TLL1: variants seen among roughly 807,000 people sequenced by gnomAD.
The protein encoded by TLL1 is tolloid like 1.
Under a neutral mutation model 128.2 loss-of-function variants are expected in TLL1, and 49 were observed. The observed-to-expected ratio is 0.38, with a 90% CI of 0.30 to 0.48. The LOEUF (loss-of-function observed/expected upper bound fraction) is 0.48. TLL1 is among the 20% of genes least tolerant of loss of function. TLL1 has a pLI of 0.96. For missense variants in TLL1, 1,123 were observed against 1,242.0 expected (o/e 0.90, Z 1.44); for synonymous variants, 454 against 418.8 (o/e 1.08, Z -1.03).
At chr4:166,008,119 C>T in intron 7 of TLL1, 71 bp downstream of exon 7, 1 of 1,127,670 alleles carries the variant, frequency 8.9e-7, no homozygotes. Context: ...AAAGCTATGC[C>T]TGACATTAGA....
intron 7 of TLL1, among the ~76,000 whole-genome samples, chr4:166,009,559 C>G (rs945581706): frequency 3.1e-4 from 47 of 151,358 alleles, no homozygotes; most frequent in Non-Finnish European, 1.3e-4. Flanking sequence ...GCCAATCAGC[C>G]TTTGTTTATT....
chr4:165,885,313 C>T (rs1731120053), intron 1 of TLL1, among the ~76,000 whole-genome samples: 1 of 151,992 alleles, frequency 6.6e-6, no homozygotes, highest in Non-Finnish European at 1.5e-5. Context: ...GTGTCTCTGA[C>T]ATCAGAAGCA....
At chr4:166,041,919 A>G (rs1739257369) in intron 10 of TLL1, 108 bp from the exon 11 acceptor site, 1 of 773,324 alleles carries the variant, frequency 1.3e-6, no homozygotes, top group Non-Finnish European at 2.2e-6. Context: ...CTTGGAATAG[A>G]AATGTGAACC....
At chr4:166,030,510 T>A (rs1738719239) in intron 9 of TLL1, 1 of 622,872 alleles carries the variant, frequency 1.6e-6, no homozygotes, top group Non-Finnish European at 2.9e-6. Context: ...TAAAGTTTGA[T>A]GTCATACCAC....
intron 1 of TLL1, among the ~76,000 whole-genome samples, chr4:165,906,087 A>G (rs1456188130): frequency 6.6e-6 from 1 of 152,120 alleles, no homozygotes; most frequent in Non-Finnish European, 1.5e-5. Context: ...AAAAAGTTTT[A>G]TTGGAACATA....
chr4:166,047,454 G>A (rs947465813), intron 12 of TLL1, among the ~76,000 whole-genome samples: 1 of 150,044 alleles, frequency 6.7e-6, no homozygotes, highest in East Asian at 1.9e-4. Flanking sequence ...ATGAGCCACC[G>A]CACCTGGCCT....
chr4:165,933,747 G>T (rs1283216190), intron 1 of TLL1, among the ~76,000 whole-genome samples: 1 of 151,990 alleles, frequency 6.6e-6, no homozygotes, highest in Non-Finnish European at 1.5e-5. Flanking sequence ...GAGCAGGTCC[G>T]CTCCACAGAC....
intron 1 of TLL1, among the ~76,000 whole-genome samples, chr4:165,973,050 T>C (rs987634382): frequency 1.3e-5 from 2 of 152,168 alleles, no homozygotes; most frequent in African/African-American, 2.4e-5. Context: ...TATTATTTCT[T>C]CCAGGAGCTG....
intron 16 of TLL1, among the ~76,000 whole-genome samples, chr4:166,068,634 A>G (rs575416648): frequency 2.0e-5 from 3 of 152,012 alleles, no homozygotes; most frequent in South Asian, 2.1e-4. Context: ...TAAAATGACT[A>G]TTCTATTTGC....
At chr4:166,059,172 ATATACT>A (rs1740168226) in intron 14 of TLL1, among the ~76,000 whole-genome samples, 1 of 152,048 alleles carries the variant, frequency 6.6e-6, no homozygotes, top group African/African-American at 2.4e-5. Flanking sequence ...TAGTGTTTGT[ATATACT>A]TATAAATATA....
At chr4:166,060,268 AG>A in intron 15 of TLL1, 80 bp downstream of exon 15, 12 of 1,404,746 alleles carry the variant, frequency 8.5e-6, no homozygotes, top group Non-Finnish European at 1.0e-5. Context: ...AAAAAAAAAA[AG>A]ATGTAGTAAA....
At chr4:165,972,736 CCTAT>C (rs1735682009) in intron 1 of TLL1, among the ~76,000 whole-genome samples, 1 of 152,052 alleles carries the variant, frequency 6.6e-6, no homozygotes. Flanking sequence ...TGGATATTAC[CCTAT>C]CTATCTTTTC....
At chr4:165,994,047 T>C (rs1177555934) in intron 3 of TLL1, among the ~76,000 whole-genome samples, 96 of 152,154 alleles carry the variant, frequency 6.3e-4, no homozygotes, top group Non-Finnish European at 4.4e-5. Flanking sequence ...TGTTGGTGAA[T>C]TGATAGTGAC....
intron 1 of TLL1, among the ~76,000 whole-genome samples, chr4:165,917,556 G>T (rs1485998900): frequency 6.6e-6 from 1 of 152,002 alleles, no homozygotes; most frequent in Non-Finnish European, 1.5e-5. Flanking sequence ...TATTATATTT[G>T]TACTTATAAC....
chr4:165,921,242 G>GC (rs1445994514), intron 1 of TLL1, among the ~76,000 whole-genome samples: 29 of 152,272 alleles, frequency 1.9e-4, no homozygotes, highest in Non-Finnish European at 3.7e-4. Context: ...TTTGGATGCA[G>GC]CATTTAGAAC....
rs1561036280 is a variant in TLL1 at position 165,931,723 on chromosome 4, G to GAAAAAAGA, written c.170-57652_170-57651insGAAAAAAA. Among the ~76,000 whole-genome samples the GAAAAAAGA allele has an allele frequency of 3.9e-3, 329 of 84,754 alleles. 1 individual carries two copies. The East Asian group carries it at 0.07, about 18-fold the overall frequency. The allele number at this position is 84,754 out of a possible 152,430, so 55.6% of individuals were successfully genotyped here. On this transcript the variant is annotated intron_variant, in intron 1 of 20. Coordinates refer to ENST00000061240, the MANE Select transcript of TLL1 (RefSeq NM_012464.5). ...GACAGAGTAAGACTCTGTCTCAAAA[G>GAAAAAAGA]AAAAAAAAAAGAAATTGCAATGATT...
At chr4:166,064,559 T>G (rs753235911) in intron 15 of TLL1, among the ~76,000 whole-genome samples, 1 of 152,096 alleles carries the variant, frequency 6.6e-6, no homozygotes, top group Non-Finnish European at 1.5e-5. Context: ...GTTACAGAAT[T>G]CTCTGTATTT....
At chr4:166,007,840 T>G in intron 6 of TLL1, 103 bp from the exon 7 acceptor site, 1 of 771,754 alleles carries the variant, frequency 1.3e-6, no homozygotes, top group East Asian at 2.5e-5. Flanking sequence ...ATCAGCAAGA[T>G]CAGTCATTTC....
At chr4:165,979,903 G>A (rs530965579) in intron 1 of TLL1, among the ~76,000 whole-genome samples, 1 of 152,218 alleles carries the variant, frequency 6.6e-6, no homozygotes, top group African/African-American at 2.4e-5. Flanking sequence ...AATACATCAT[G>A]ATTTCTAAAT....
Sources: gnomAD v4.1 joint callset for allele counts (sites outside exome capture counted in the v4.1 genomes callset) on GRCh38, gnomAD v4.1.1 for gene constraint, MANE v1.5 for transcripts, NCBI Gene and HGNC (gene_info 2026-07-23, HGNC 2026-07-21) for gene names.